The following SV2C variants were observed in gnomAD, a reference collection of about 807,000 sequenced individuals.
The protein encoded by SV2C is synaptic vesicle glycoprotein 2C.
SV2C carries 49 observed loss-of-function variants against 79.7 expected under a neutral mutation model. The ratio of observed to expected loss-of-function variants is 0.61; its 90% confidence interval spans 0.49 to 0.78. The LOEUF is 0.78. Ranked by LOEUF, SV2C falls within the 30% of genes least tolerant of loss-of-function variation. The pLI is 0.00. For missense variants in SV2C, 833 were observed against 912.9 expected (o/e 0.91, Z 1.13); for synonymous variants, 334 against 333.2 (o/e 1.00, Z -0.03).
the SV2C span, among the ~76,000 whole-genome samples, chr5:75,880,401 T>A: frequency 6.6e-6 from 1 of 152,164 alleles, no homozygotes; most frequent in Non-Finnish European, 1.5e-5. Context: ...CATCTAAGCA[T>A]AGGTTGTTAG....
intron 4 of SV2C, among the ~76,000 whole-genome samples, chr5:76,269,544 G>A (rs1012492355): frequency 5.3e-5 from 8 of 152,284 alleles, no homozygotes; most frequent in Middle Eastern, 3.4e-3. Context: ...TATCTGCTGC[G>A]TACCTTTGAA....
chr5:76,090,112 A>C (rs1425316324), intron 1 of SV2C, among the ~76,000 whole-genome samples: 1 of 152,228 alleles, frequency 6.6e-6, no homozygotes, highest in African/African-American at 2.4e-5. Context: ...GGATTCAGCT[A>C]TGCAGTTACA....
chr5:76,034,375 G>T, the SV2C span, among the ~76,000 whole-genome samples: 7 of 152,316 alleles, frequency 4.6e-5, no homozygotes, highest in East Asian at 1.9e-4. Flanking sequence ...GTATGATATT[G>T]GCTGTGGGTT....
the SV2C span, among the ~76,000 whole-genome samples, chr5:75,995,952 G>T: frequency 1.3e-5 from 2 of 152,142 alleles, no homozygotes; most frequent in South Asian, 4.1e-4. Context: ...CAATGTACAT[G>T]TGGTAGAAAA....
intron 4 of SV2C, among the ~76,000 whole-genome samples, chr5:76,238,522 C>T (rs775773394): frequency 7.2e-5 from 11 of 152,030 alleles, no homozygotes; most frequent in Admixed American, 4.6e-4. Context: ...TCTCTTAGTA[C>T]CTGAAAGTCT....
the SV2C span, among the ~76,000 whole-genome samples, chr5:76,039,492 A>T: frequency 2.6e-5 from 4 of 152,190 alleles, no homozygotes; most frequent in Non-Finnish European, 4.4e-5. Context: ...GTGGTGGCTT[A>T]CGCCTGTAAT....
chr5:76,003,683 C>T, the SV2C span, among the ~76,000 whole-genome samples: 1 of 151,962 alleles, frequency 6.6e-6, no homozygotes, highest in Non-Finnish European at 1.5e-5. Flanking sequence ...AAGTAATGAG[C>T]CCTTCAAACC....
At position 76,103,088 on chromosome 5, in the gene SV2C, T is replaced by TAA. The variant is rs961039929; in HGVS notation, c.-102+19584_-102+19585dup. Among the ~76,000 whole-genome samples, 4 of 151,348 alleles carry TAA rather than the reference T, an allele frequency of 2.6e-5. No homozygotes were observed. In the East Asian group the frequency reaches 5.8e-4, roughly 22 times the overall value. ...GTCCATAAGACCATACAGGAATGTG[T>TAA]AAAAAAAAATGGAGATTGCAATAAT... is the stretch of plus-strand genomic sequence containing the variant. On this transcript the variant is annotated intron_variant, in intron 1 of 12. Coordinates refer to ENST00000502798, the MANE Select transcript of SV2C (RefSeq NM_014979.4).
intron 8 of SV2C, among the ~76,000 whole-genome samples, chr5:76,295,384 C>T (rs1237632830): frequency 6.6e-6 from 1 of 152,156 alleles, no homozygotes; most frequent in African/African-American, 2.4e-5. Flanking sequence ...TCTCTGCCCT[C>T]ATAACTTAAT....
the SV2C span, among the ~76,000 whole-genome samples, chr5:75,927,308 C>G: frequency 6.6e-6 from 1 of 152,020 alleles, no homozygotes; most frequent in Non-Finnish European, 1.5e-5. Context: ...GAATATTATT[C>G]AGCCTTAAAA....
At chr5:76,144,342 T>TGGGGCTGCCATGTAAAATTGTGCAGGTTG (rs1464238022) in intron 2 of SV2C, among the ~76,000 whole-genome samples, 1 of 152,148 alleles carries the variant, frequency 6.6e-6, no homozygotes, top group African/African-American at 2.4e-5. Flanking sequence ...ACTTACCTTG[T>TGGGGCTGCCATGTAAAATTGTGCAGGTTG]GGGGCTGCCA....
intron 4 of SV2C, among the ~76,000 whole-genome samples, chr5:76,283,390 C>T (rs1419082251): frequency 1.3e-5 from 2 of 152,152 alleles, no homozygotes; most frequent in Non-Finnish European, 2.9e-5. Flanking sequence ...CGTTGTTTCC[C>T]CCTATACTTT....
chr5:76,289,056 T>A (rs1482673487), intron 6 of SV2C, among the ~76,000 whole-genome samples: 1 of 152,102 alleles, frequency 6.6e-6, no homozygotes, highest in African/African-American at 2.4e-5. Context: ...ATTTTTGAAT[T>A]ATTTGTAGAT....
chr5:76,210,841 G>A (rs1376927515), intron 4 of SV2C, among the ~76,000 whole-genome samples: 1 of 152,178 alleles, frequency 6.6e-6, no homozygotes, highest in East Asian at 1.9e-4. Context: ...AAATAGAAGT[G>A]TCAGGAACCA....
chr5:76,239,885 G>C (rs1020916333), intron 4 of SV2C, among the ~76,000 whole-genome samples: 3 of 152,178 alleles, frequency 2.0e-5, no homozygotes, highest in Non-Finnish European at 4.4e-5. Context: ...GCATCTTGGA[G>C]GCTAGCTGTC....
At chr5:75,980,035 G>A in the SV2C span, among the ~76,000 whole-genome samples, 1 of 152,146 alleles carries the variant, frequency 6.6e-6, no homozygotes, top group African/African-American at 2.4e-5. Flanking sequence ...TGATAAGGGA[G>A]ATATTACCAC....
chr5:76,184,370 G>T (rs1743844128), intron 2 of SV2C, among the ~76,000 whole-genome samples: 4 of 152,214 alleles, frequency 2.6e-5, no homozygotes, highest in African/African-American at 4.8e-5. Context: ...TCAAGCAAGA[G>T]CTGTGGAATT....
At position 76,301,471 on chromosome 5, in the gene SV2C, G is replaced by C; in HGVS notation, c.1926G>C (p.Leu642=). Residue 642 remains leucine (L), a synonymous_variant, in exon 12 of 13, where the codon CTG becomes CTC. Transcript: ENST00000502798. ...CCATGATGATAGGCATGCTGTGTCT[G>C]TACAATGGATTGACCATCTCAGCCT... ...SESMMIGMLC[L]YNGLTISAWN... The C allele has an allele frequency of 6.2e-7, 1 of 1,614,068 alleles. No individual in the cohort carries two copies. The highest frequency in any genetic ancestry group is 8.5e-7 in the Non-Finnish European group (1 of 1,179,998).
At chr5:75,954,807 G>C in the SV2C span, among the ~76,000 whole-genome samples, 1 of 146,566 alleles carries the variant, frequency 6.8e-6, no homozygotes, top group African/African-American at 2.7e-5. Flanking sequence ...GCTTCAAAGA[G>C]AATAAAATAC....
Sources: gnomAD v4.1 joint callset for allele counts (sites outside exome capture counted in the v4.1 genomes callset) on GRCh38, gnomAD v4.1.1 for gene constraint, MANE v1.5 for transcripts, NCBI Gene and HGNC (gene_info 2026-07-23, HGNC 2026-07-21) for gene names.